Variants in ZCWPW2 observed in about 807,000 individuals in gnomAD.
ZCWPW2 encodes zinc finger CW-type PWWP domain protein 2.
In ZCWPW2, 45 loss-of-function variants were observed where a neutral mutation model predicts 46.6. The ratio of observed to expected loss-of-function variants is 0.96; its 90% CI spans 0.76 to 1.24. ZCWPW2 has a LOEUF of 1.24. Ranked by LOEUF, ZCWPW2 falls within the 50% of genes most tolerant of loss-of-function variation. The pLI is 0.00. For missense variants in ZCWPW2, 429 were observed against 403.9 expected (o/e 1.06, Z -0.53); for synonymous variants, 152 against 137.1 (o/e 1.11, Z -0.76).
At chr3:28,369,848 C>T (rs944418889) in intron 1 of ZCWPW2, among the ~76,000 whole-genome samples, 48 of 152,222 alleles carry the variant, frequency 3.2e-4, no homozygotes, top group Non-Finnish European at 4.4e-5. Flanking sequence ...ACTCAAGCCT[C>T]AGCAATGGTG....
chr3:28,519,388 G>C (rs1331827978), intron 8 of ZCWPW2, among the ~76,000 whole-genome samples: 2 of 152,112 alleles, frequency 1.3e-5, no homozygotes, highest in African/African-American at 4.8e-5. Context: ...GAAAGTGCTT[G>C]GGGAAAGCAG....
At chr3:28,425,150 C>T (rs574999248) in intron 3 of ZCWPW2, among the ~76,000 whole-genome samples, 2 of 152,220 alleles carry the variant, frequency 1.3e-5, no homozygotes, top group South Asian at 2.1e-4. Flanking sequence ...ATGTTTTACC[C>T]CAGTACCTCA....
chr3:28,481,467 T>C (rs915805693), intron 5 of ZCWPW2, among the ~76,000 whole-genome samples: 3 of 152,190 alleles, frequency 2.0e-5, no homozygotes. Context: ...GGTCTCCAAC[T>C]CCTGACCTCA....
chr3:28,401,434 A>G (rs1695929845), intron 2 of ZCWPW2, among the ~76,000 whole-genome samples: 2 of 152,134 alleles, frequency 1.3e-5, no homozygotes, highest in African/African-American at 4.8e-5. Context: ...CAAATTTATA[A>G]AACAATTACT....
chr3:28,408,283 A>G (rs1204670156), intron 2 of ZCWPW2, among the ~76,000 whole-genome samples: 2 of 152,206 alleles, frequency 1.3e-5, no homozygotes, highest in African/African-American at 4.8e-5. Flanking sequence ...ATGAATTTTC[A>G]TAAGCTTTCC....
At chr3:28,500,974 A>G (rs1700126880) in intron 6 of ZCWPW2, among the ~76,000 whole-genome samples, 1 of 152,138 alleles carries the variant, frequency 6.6e-6, no homozygotes, top group Non-Finnish European at 1.5e-5. Context: ...TCACCTTTCC[A>G]TAGGCCAGTG....
intron 1 of ZCWPW2, among the ~76,000 whole-genome samples, chr3:28,376,623 A>G (rs868447502): frequency 6.6e-6 from 1 of 152,150 alleles, no homozygotes; most frequent in African/African-American, 2.4e-5. Context: ...CTTTGGACAC[A>G]GGGATTGCTT....
chr3:28,413,272 T>C lies in ZCWPW2; in HGVS notation c.204T>C (p.Tyr68=), dbSNP rs776349248. Residue 68 remains tyrosine, a synonymous_variant, in exon 3 of 10, where the codon TAT becomes TAC. Coordinates refer to ENST00000383768, the MANE Select transcript of ZCWPW2 (RefSeq NM_001040432.4). ...WYCFMNTDSR[Y]NNCSISEEDF... is the part of the protein sequence containing the mutation. ...GCTTCATGAACACTGATTCAAGATATAATAACTGCTCAATTTCTGAAGAAG... is the reference window on the plus strand; with the variant it reads ...GCTTCATGAACACTGATTCAAGATACAATAACTGCTCAATTTCTGAAGAAG... 1.9e-6 allele frequency: 3 copies of C among 1,613,236 alleles called. No homozygotes were observed. In the African/African-American group the frequency reaches 4.0e-5, roughly 22 times the overall value.
intron 2 of ZCWPW2, 118 bp downstream of exon 2, chr3:28,390,735 C>G: frequency 2.7e-6 from 2 of 754,636 alleles, no homozygotes; most frequent in Non-Finnish European, 3.2e-6. Flanking sequence ...ACCTGTATAA[C>G]TTCTCTATGA....
At chr3:28,370,738 G>A (rs1213854171) in intron 1 of ZCWPW2, among the ~76,000 whole-genome samples, 2 of 152,100 alleles carry the variant, frequency 1.3e-5, no homozygotes, top group East Asian at 3.9e-4. Context: ...TTTTGTTTTT[G>A]TTTTTGTTTT....
At chr3:28,466,491 G>T (rs905501137) in intron 4 of ZCWPW2, among the ~76,000 whole-genome samples, 4 of 152,186 alleles carry the variant, frequency 2.6e-5, no homozygotes, top group African/African-American at 9.6e-5. Context: ...TCAAAATGCT[G>T]CTAAGAAACA....
intron 4 of ZCWPW2, among the ~76,000 whole-genome samples, chr3:28,464,853 C>T (rs1201671365): frequency 6.6e-6 from 1 of 152,150 alleles, no homozygotes; most frequent in Non-Finnish European, 1.5e-5. Context: ...TTAGTGTTAT[C>T]AGAAACATCA....
Position 28,408,268 on chromosome 3 carries a change from T to C in ZCWPW2, c.-13-4788T>C, listed in dbSNP as rs527681983. 3.3e-5 allele frequency among the ~76,000 whole-genome samples: 5 copies of C among 152,302 alleles called. No individual in the cohort carries two copies. In the East Asian group the frequency reaches 9.6e-4, roughly 29 times the overall value. On this transcript the variant is annotated intron_variant, in intron 2 of 9. Coordinates refer to ENST00000383768, the MANE Select transcript of ZCWPW2 (RefSeq NM_001040432.4). Reference sequence around the variant, plus strand: ...CCCCTTAACATTTTATAATAGACTGTCATAATGAATTTTCATAAGCTTTCC... The same window carrying C: ...CCCCTTAACATTTTATAATAGACTGCCATAATGAATTTTCATAAGCTTTCC...
At chr3:28,470,091 A>G (rs1046566667) in intron 4 of ZCWPW2, among the ~76,000 whole-genome samples, 2 of 152,238 alleles carry the variant, frequency 1.3e-5, no homozygotes, top group Non-Finnish European at 2.9e-5. Flanking sequence ...CTCTTACTAC[A>G]ATGCAATAAA....
intron 3 of ZCWPW2, among the ~76,000 whole-genome samples, chr3:28,430,581 G>A (rs1486586165): frequency 1.3e-5 from 2 of 152,182 alleles, no homozygotes; most frequent in African/African-American, 4.8e-5. Context: ...GTGAGGACAT[G>A]AGATTTGTGA....
intron 8 of ZCWPW2, among the ~76,000 whole-genome samples, chr3:28,520,253 C>T (rs1428203035): frequency 6.6e-6 from 1 of 152,056 alleles, no homozygotes; most frequent in Non-Finnish European, 1.5e-5. Context: ...GATCCACCCT[C>T]AGCCTCCCAA....
In ZCWPW2 at chr3:28,382,258, G is replaced by C. The variant is rs148960510; in HGVS notation, c.-133-8240G>C. Reference sequence around the variant, plus strand: ...TGAGATCAACCCTGTTGACAGGATGGGTCCCTTCTGAGAGCTATGAGGGAA... The same window carrying C: ...TGAGATCAACCCTGTTGACAGGATGCGTCCCTTCTGAGAGCTATGAGGGAA... On this transcript the variant is annotated intron_variant, in intron 1 of 9. Transcript: ENST00000383768. Among the ~76,000 whole-genome samples the C allele has an allele frequency of 2.4e-3, 370 of 152,106 alleles. 1 individual carries two copies. The highest frequency in any genetic ancestry group is 8.1e-3 in the African/African-American group (338 of 41,508).
intron 6 of ZCWPW2, among the ~76,000 whole-genome samples, chr3:28,498,831 G>A (rs1219648223): frequency 6.6e-6 from 1 of 151,976 alleles, no homozygotes; most frequent in Admixed American, 6.6e-5. Flanking sequence ...CTCAGTGTGT[G>A]ATGTTCCCCT....
chr3:28,477,228 G>C (rs968957500), intron 4 of ZCWPW2, among the ~76,000 whole-genome samples: 1 of 151,990 alleles, frequency 6.6e-6, no homozygotes, highest in Non-Finnish European at 1.5e-5. Context: ...CCAATATTTA[G>C]TGAATTGTAT....
Sources: allele counts gnomAD v4.1 joint callset (sites outside exome capture counted in the v4.1 genomes callset), GRCh38; gene constraint gnomAD v4.1.1; transcripts MANE v1.5; gene names NCBI Gene and HGNC (gene_info 2026-07-23, HGNC 2026-07-21).